PVT1: variants seen among roughly 807,000 people sequenced by gnomAD.
PVT1 encodes the protein Pvt1 oncogene.
At chr8:127,845,846 A>G (rs1460340605) in intron 2 of PVT1, among the ~76,000 whole-genome samples, 1 of 152,198 alleles carries the variant, frequency 6.6e-6, no homozygotes, top group Non-Finnish European at 1.5e-5. Context: ...GAGATTTCCA[A>G]GGTGGACATC....
chr8:127,977,457 C>G (rs568688902), intron 3 of PVT1, among the ~76,000 whole-genome samples: 2 of 152,262 alleles, frequency 1.3e-5, no homozygotes, highest in South Asian at 4.1e-4. Flanking sequence ...CTTGGCTGGG[C>G]ATGGTGGTTC....
intron 3 of PVT1, among the ~76,000 whole-genome samples, chr8:127,964,052 G>A (rs950310677): frequency 3.9e-5 from 6 of 152,254 alleles, no homozygotes; most frequent in South Asian, 4.1e-4. Context: ...CAGGGACTGC[G>A]AAGGCTTATT....
At chr8:128,026,259 TTCAC>T (rs1817491916) in intron 4 of PVT1, among the ~76,000 whole-genome samples, 1 of 152,180 alleles carries the variant, frequency 6.6e-6, no homozygotes, top group South Asian at 2.1e-4. Flanking sequence ...TTCTTTCTGA[TTCAC>T]TCTTGTTTTG....
intron 3 of PVT1, among the ~76,000 whole-genome samples, chr8:127,962,674 G>C (rs1276487702): frequency 6.6e-6 from 1 of 152,028 alleles, no homozygotes; most frequent in East Asian, 1.9e-4. Flanking sequence ...TCGGCTCACT[G>C]CAGCCTCTGC....
At chr8:127,952,954 C>T (rs548120353) in intron 3 of PVT1, among the ~76,000 whole-genome samples, 10 of 152,186 alleles carry the variant, frequency 6.6e-5, no homozygotes, top group Admixed American at 2.6e-4. Context: ...TTAGTAGAGA[C>T]GGGGTTTCAC....
intron 2 of PVT1, among the ~76,000 whole-genome samples, chr8:127,866,268 A>G (rs1358659292): frequency 6.6e-6 from 1 of 151,840 alleles, no homozygotes; most frequent in Non-Finnish European, 1.5e-5. Flanking sequence ...ACGTATCCCA[A>G]CTCCTGCTGA....
At chr8:127,808,539 T>C (rs1814553745) in intron 2 of PVT1, among the ~76,000 whole-genome samples, 1 of 152,082 alleles carries the variant, frequency 6.6e-6, no homozygotes, top group African/African-American at 2.4e-5. Context: ...CTTAAGTGCT[T>C]TTTTAAGTCT....
intron 2 of PVT1, among the ~76,000 whole-genome samples, chr8:127,886,646 C>T (rs1031080849): frequency 6.6e-6 from 1 of 151,890 alleles, no homozygotes; most frequent in African/African-American, 2.4e-5. Flanking sequence ...GTAGAATTTC[C>T]ATTTGGCTCT....
chr8:127,893,415 T>C (rs1045316029), intron 3 of PVT1, among the ~76,000 whole-genome samples: 1 of 152,204 alleles, frequency 6.6e-6, no homozygotes, highest in South Asian at 2.1e-4. Flanking sequence ...TAGCTGGGAC[T>C]ACAGGCGTGC....
intron 4 of PVT1, among the ~76,000 whole-genome samples, chr8:127,990,101 TC>T: frequency 6.6e-6 from 1 of 152,246 alleles, no homozygotes; most frequent in Non-Finnish European, 1.5e-5. Flanking sequence ...TCATTTGCTG[TC>T]CCCCCAGCCT....
At chr8:128,005,140 CAA>C (rs796167481) in intron 4 of PVT1, among the ~76,000 whole-genome samples, 2 of 137,438 alleles carry the variant, frequency 1.5e-5, no homozygotes. Context: ...AACTCCATCT[CAA>C]AAAAAAAAAA....
At chr8:128,021,290 C>CTTTTTATTTTTTTTTTTT (rs1817431333) in intron 4 of PVT1, among the ~76,000 whole-genome samples, 1 of 81,140 alleles carries the variant, frequency 1.2e-5, no homozygotes, top group African/African-American at 4.8e-5. Context: ...AGGACTTGTG[C>CTTTTTATTTTTTTTTTTT]TTTTTTTTTT....
chr8:127,941,442 G>A (rs1479732884), intron 3 of PVT1, among the ~76,000 whole-genome samples: 3 of 152,226 alleles, frequency 2.0e-5, no homozygotes, highest in African/African-American at 7.2e-5. Flanking sequence ...CAGTACCTCA[G>A]AAGGGTTGCT....
chr8:127,921,853 T>TG lies in PVT1; in HGVS notation n.782+30856dup, dbSNP rs1491170985. On this transcript the variant is annotated intron_variant and non_coding_transcript_variant, in intron 3 of 10. Coordinates refer to ENST00000651587, the Ensembl canonical transcript of PVT1. ...TAAAAAAATTATAATTTTTGGTTCA[T>TG]GTTTTTTTTTTTTTTTTTTTTTTTT... Among the ~76,000 whole-genome samples, 14 of 96,414 alleles carry TG rather than the reference T, an allele frequency of 1.5e-4. 1 individual carries two copies. Among genetic ancestry groups the TG allele is most frequent in the Non-Finnish European group, 1.0e-4 (5 of 48,702 alleles). 63.3% of individuals were successfully genotyped at this position (96,414 alleles called of 152,430 possible).
chr8:127,877,890 C>A (rs1299398545), intron 2 of PVT1, among the ~76,000 whole-genome samples: 1 of 152,174 alleles, frequency 6.6e-6, no homozygotes, highest in Non-Finnish European at 1.5e-5. Flanking sequence ...CACGCCACTG[C>A]ACTCCAGCCT....
chr8:127,857,946 G>A lies in PVT1; in HGVS notation n.373-32643G>A, dbSNP rs193080937. On this transcript the variant is annotated intron_variant and non_coding_transcript_variant, in intron 2 of 10. Transcript: ENST00000651587. The stretch of plus-strand genomic sequence containing the variant: ...TGGAGTGTGATGAAGTTAAACTCTG[G>A]GTTGAGAAGAGAGGAAATGTGAGTT... Among the ~76,000 whole-genome samples the A allele has an allele frequency of 1.1e-3, 163 of 152,254 alleles. 1 individual carries two copies. The highest frequency in any genetic ancestry group is 3.7e-3 in the African/African-American group (155 of 41,540).
At chr8:127,882,994 CAT>C (rs753243558) in intron 2 of PVT1, among the ~76,000 whole-genome samples, 4 of 152,108 alleles carry the variant, frequency 2.6e-5, no homozygotes, top group Non-Finnish European at 5.9e-5. Flanking sequence ...GAGATACACA[CAT>C]GTGCACATAC....
At chr8:128,026,486 A>G (rs1274960205) in intron 4 of PVT1, among the ~76,000 whole-genome samples, 1 of 152,108 alleles carries the variant, frequency 6.6e-6, no homozygotes, top group African/African-American at 2.4e-5. Context: ...GCTGAGGCTC[A>G]CAGAGGAGAA....
At chr8:127,982,677 A>AATTC (rs1816898013) in intron 3 of PVT1, among the ~76,000 whole-genome samples, 1 of 128,324 alleles carries the variant, frequency 7.8e-6, no homozygotes, top group African/African-American at 5.0e-5. Context: ...TTAATTAATT[A>AATTC]ATAAAATAAA....
Sources: allele counts gnomAD v4.1 joint callset (sites outside exome capture counted in the v4.1 genomes callset), GRCh38; gene constraint gnomAD v4.1.1; transcripts MANE v1.5; gene names NCBI Gene and HGNC (gene_info 2026-07-23, HGNC 2026-07-21).